CDH23: variants seen among roughly 807,000 people sequenced by gnomAD.
The protein encoded by CDH23 is cadherin-23.
In CDH23, 189 loss-of-function variants were observed where a neutral mutation model predicts 317.1. That is an observed-to-expected ratio of 0.60 (90% CI 0.53 to 0.67). The LOEUF (loss-of-function observed/expected upper bound fraction) is 0.67, where lower values mean the gene tolerates loss of function less well. Among genes scored for constraint, CDH23 ranks in the 30% least tolerant of loss-of-function variants. The pLI, the probability that CDH23 is intolerant of heterozygous loss-of-function variation, is 0.00. For missense variants in CDH23, 4,401 were observed against 4,592.4 expected (o/e 0.96, Z 1.20); for synonymous variants, 1,839 against 1,876.8 (o/e 0.98, Z 0.52).
At chr10:71,660,051 C>T (rs995988635) in intron 14 of CDH23, among the ~76,000 whole-genome samples, 1 of 148,468 alleles carries the variant, frequency 6.7e-6, no homozygotes, top group African/African-American at 2.5e-5. Context: ...ACTTTTGACT[C>T]CCTGGTTCAA....
chr10:71,785,191 G>A (rs2132939643), intron 43 of CDH23, 91 bp downstream of exon 43: 1 of 1,002,894 alleles, frequency 1.0e-6, no homozygotes, highest in Non-Finnish European at 1.5e-6. Context: ...CCACCATCTG[G>A]GCTCCACCGG....
At chr10:71,403,086 C>T (rs939833206) in intron 1 of CDH23, among the ~76,000 whole-genome samples, 1 of 152,092 alleles carries the variant, frequency 6.6e-6, no homozygotes, top group African/African-American at 2.4e-5. Context: ...CGCGCCACTG[C>T]ACTCCAGCCT....
intron 34 of CDH23, among the ~76,000 whole-genome samples, chr10:71,737,047 AG>A (rs1231379584): frequency 1.3e-5 from 2 of 152,192 alleles, no homozygotes; most frequent in Non-Finnish European, 2.9e-5. Flanking sequence ...GGCCTTAGCT[AG>A]AGTGAGGGGG....
intron 9 of CDH23, among the ~76,000 whole-genome samples, chr10:71,613,866 A>G (rs1322462376): frequency 1.3e-5 from 2 of 152,186 alleles, no homozygotes; most frequent in East Asian, 1.9e-4. Context: ...CCTCTTCCTC[A>G]GTCCTGCCCA....
chr10:71,583,649 T>A (rs1242294388), intron 9 of CDH23, among the ~76,000 whole-genome samples: 1 of 152,154 alleles, frequency 6.6e-6, no homozygotes, highest in Non-Finnish European at 1.5e-5. Context: ...GCTTAATCTC[T>A]TCTTGCCGCC....
intron 33 of CDH23, 56 bp from the exon 34 acceptor site, chr10:71,734,600 C>T: frequency 6.3e-7 from 1 of 1,588,202 alleles, no homozygotes. Context: ...GACGGCTAAC[C>T]ATTTGCATCT....
At chr10:71,593,983 T>C (rs568298657) in intron 9 of CDH23, among the ~76,000 whole-genome samples, 1 of 152,174 alleles carries the variant, frequency 6.6e-6, no homozygotes, top group Non-Finnish European at 1.5e-5. Context: ...CCTGCAGTCC[T>C]AGCTACTTGG....
At chr10:71,800,496 A>G in intron 52 of CDH23, 140 bp from the exon 53 acceptor site, 1 of 1,044,146 alleles carries the variant, frequency 9.6e-7, no homozygotes, top group Non-Finnish European at 1.4e-6. Flanking sequence ...CTAGAATGGG[A>G]GCTTGCTGGG....
intron 6 of CDH23, 132 bp from the exon 7 acceptor site, chr10:71,566,610 A>G: frequency 1.3e-6 from 1 of 751,146 alleles, no homozygotes; most frequent in South Asian, 4.0e-5. Context: ...GGCCCCTCCT[A>G]GAATGAAAAT....
rs181847383 is a variant in CDH23 at position 71,731,716 on chromosome 10, G to C, written c.3716-271G>C. Among the ~76,000 whole-genome samples, 6 of 152,208 alleles carry C rather than the reference G, an allele frequency of 3.9e-5. No homozygotes were observed. In the East Asian group the frequency reaches 1.2e-3, roughly 29 times the overall value. On this transcript the variant is annotated intron_variant, in intron 31 of 69. Transcript: ENST00000224721. ...GAGGTACATGAGCTTGAATTTTGAG[G>C]CTCCAGGAGCAGACCCAACTCTTTC... is the stretch of plus-strand genomic sequence containing the variant.
chr10:71,398,720 C>T (rs563245044), intron 1 of CDH23, among the ~76,000 whole-genome samples: 158 of 152,100 alleles, frequency 1.0e-3, no homozygotes, highest in South Asian at 4.1e-3. Context: ...GGCCCCTTGC[C>T]TGGGGGAATA....
rs755978143 is a variant in CDH23, at chr10:71,740,914, C to T, written c.4581C>T (p.Ile1527=). The change falls in exon 37 of 70, where the codon ATC becomes ATT. Residue 1527 remains isoleucine (I), a synonymous_variant. Coordinates refer to ENST00000224721, the MANE Select transcript of CDH23 (RefSeq NM_022124.6). ...ACATCAATGACAACCCTCCAGTCAT[C>T]GAGAGCCCCTTTGGATACAATGTCA... ...ILDINDNPPV[I]ESPFGYNVSV... The T allele has an allele frequency of 7.4e-6, 12 of 1,613,992 alleles. No homozygotes were observed. Among genetic ancestry groups the T allele is most frequent in the Non-Finnish European group, 9.3e-6 (11 of 1,179,882 alleles).
At chr10:71,656,799 G>A (rs1483086702) in intron 14 of CDH23, among the ~76,000 whole-genome samples, 1 of 152,174 alleles carries the variant, frequency 6.6e-6, no homozygotes, top group Non-Finnish European at 1.5e-5. Flanking sequence ...GATGCACAGA[G>A]AGCAGGAGGG....
In CDH23 at chr10:71,751,824, A is replaced by G; in HGVS notation, c.4845+9903A>G. ...TCGGGTATCCCCTGGGCAGGTGGTG[A>G]GGCTTCAAAGCCGGGGTTTTCAATC... On this transcript the variant is annotated intron_variant, in intron 38 of 69. Coordinates refer to ENST00000224721, the MANE Select transcript of CDH23 (RefSeq NM_022124.6). The surrounding 1 kb of genome is among the most constrained non-coding windows in gnomAD (Gnocchi z 4.9). 6.4e-7 allele frequency: 1 copy of G among 1,570,368 alleles called. No individual in the cohort carries two copies. The highest frequency in any genetic ancestry group is 8.6e-7 in the Non-Finnish European group (1 of 1,159,506).
chr10:71,403,591 A>G (rs1184570301), intron 1 of CDH23, among the ~76,000 whole-genome samples: 1 of 144,670 alleles, frequency 6.9e-6, no homozygotes, highest in Non-Finnish European at 1.5e-5. Flanking sequence ...ATCTCAGCTT[A>G]CTGCAACCTC....
chr10:71,559,884 A>G (rs1241737015), intron 6 of CDH23, among the ~76,000 whole-genome samples: 1 of 152,260 alleles, frequency 6.6e-6, no homozygotes, highest in Non-Finnish European at 1.5e-5. Context: ...ATGCCGGAGT[A>G]TGGGTACACA....
At chr10:71,574,798 G>C (rs1053163380) in intron 8 of CDH23, among the ~76,000 whole-genome samples, 8 of 152,126 alleles carry the variant, frequency 5.3e-5, no homozygotes, top group Non-Finnish European at 1.0e-4. Flanking sequence ...GGCCTCAGAG[G>C]CTGGGGCTGT....
At chr10:71,455,233 C>A (rs566112515) in intron 3 of CDH23, among the ~76,000 whole-genome samples, 1 of 152,128 alleles carries the variant, frequency 6.6e-6, no homozygotes, top group African/African-American at 2.4e-5. Context: ...ACCCTTCACC[C>A]AGCTCCCCAT....
chr10:71,537,655 T>A (rs1478622713), intron 6 of CDH23, among the ~76,000 whole-genome samples: 1 of 152,096 alleles, frequency 6.6e-6, no homozygotes, highest in Non-Finnish European at 1.5e-5. Context: ...CTCCTGCCTG[T>A]CCCATCAGTC....
Sources: gnomAD v4.1 joint callset for allele counts (sites outside exome capture counted in the v4.1 genomes callset) on GRCh38, gnomAD v4.1.1 for gene constraint, Gnocchi (gnomAD v3.1) non-coding constraint, MANE v1.5 for transcripts, NCBI Gene and HGNC (gene_info 2026-07-23, HGNC 2026-07-21) for gene names.